Variants in SUPV3L1 observed in about 807,000 individuals in gnomAD.
SUPV3L1 encodes the protein Suv3 like RNA helicase, also known as ATP-dependent RNA helicase SUPV3L1, mitochondrial.
Under a neutral mutation model 70.0 loss-of-function variants are expected in SUPV3L1, and 35 were observed. The observed-to-expected ratio is 0.50, with a 90% confidence interval of 0.38 to 0.66. The LOEUF (loss-of-function observed/expected upper bound fraction) is 0.66. SUPV3L1 is among the 30% of genes least tolerant of loss of function. The pLI is 0.00. For missense variants in SUPV3L1, 777 were observed against 961.5 expected (o/e 0.81, Z 2.54); for synonymous variants, 364 against 341.9 (o/e 1.06, Z -0.71).
At chr10:69,198,028 A>G (rs1165064419) in intron 8 of SUPV3L1, among the ~76,000 whole-genome samples, 2 of 152,192 alleles carry the variant, frequency 1.3e-5, no homozygotes, top group African/African-American at 2.4e-5. Context: ...TGCCTCAGAC[A>G]TTAATTTTTT....
Position 69,180,500 on chromosome 10 carries a change from A to G in SUPV3L1, c.209A>G (p.Lys70Arg). 1.9e-6 allele frequency: 3 copies of G among 1,614,204 alleles called. No individual in the cohort carries two copies. The highest frequency in any genetic ancestry group is 2.5e-6 in the Non-Finnish European group (3 of 1,180,042). The change falls in exon 1 of 15, where the codon AAA (lysine) becomes AGA (arginine). Residue 70 changes from lysine to arginine, a missense_variant. Lys to Arg is a conservative substitution (Grantham distance 26). This residue lies in a region of SUPV3L1 where 158 missense variants were observed against 138.3 expected (regional missense o/e 1.14). Coordinates refer to ENST00000359655, the MANE Select transcript of SUPV3L1 (RefSeq NM_003171.5). ...NTSLFVPLTV[K>R]PQGPSADGDV... ...TCCTTGTTCGTGCCCCTGACTGTGA[A>G]ACCTCAGGGCCCCAGCGCCGACGGC...
chr10:69,195,190 G>T lies in SUPV3L1; in HGVS notation c.856G>T (p.Glu286Ter). The T allele has an allele frequency of 6.2e-7, 1 of 1,610,510 alleles. No homozygotes were observed. The change falls in exon 7 of 15, where the codon GAA becomes TAA. Residue 286 changes from glutamate (E) to a stop codon, truncating the protein, a stop_gained and splice_region_variant. Transcript: ENST00000359655. LOFTEE classifies it high-confidence loss of function. ...CATGTTAACTTTTTTATTTTAAGAT[G>T]AAGTGGCTGTAATTGATGAAATTCA... ...VEMCSVTTPY[E>*]VAVIDEIQMI...
chr10:69,198,330 G>A (rs763340700), intron 8 of SUPV3L1, 42 bp from the exon 9 acceptor site: 6 of 1,551,242 alleles, frequency 3.9e-6, no homozygotes, highest in South Asian at 2.5e-5. Flanking sequence ...ACAAGAAGTT[G>A]AGTTGGGTGT....
intron 5 of SUPV3L1, among the ~76,000 whole-genome samples, chr10:69,190,485 TAA>T (rs1842364225): frequency 6.6e-6 from 1 of 152,208 alleles, no homozygotes. Flanking sequence ...TCTTTATCTG[TAA>T]ATACTTGAGA....
chr10:69,186,615 G>T, intron 3 of SUPV3L1, 65 bp downstream of exon 3: 2 of 1,372,032 alleles, frequency 1.5e-6, no homozygotes, highest in East Asian at 2.3e-5. Flanking sequence ...CATACTTCAT[G>T]CTCATTTCTC....
chr10:69,196,270 T>G (rs1842539600), intron 7 of SUPV3L1, among the ~76,000 whole-genome samples: 1 of 152,052 alleles, frequency 6.6e-6, no homozygotes, highest in Admixed American at 6.5e-5. Flanking sequence ...GGCTGGCCGA[T>G]TGCTTGAGGC....
rs940634145 is a variant in SUPV3L1, at chr10:69,191,598, C to A, written c.742-57C>A. The A allele has an allele frequency of 1.1e-5, 16 of 1,476,574 alleles. No individual in the cohort carries two copies. In the African/African-American group the frequency reaches 2.2e-4, roughly 21 times the overall value. 91.5% of individuals were successfully genotyped at this position (1,476,574 alleles called of 1,614,324 possible). ...GTGGAGAGAACACCCTGTTAAATATCCAAAACGTATTTTTGCATTATTTTC... is the reference window on the plus strand; with the variant it reads ...GTGGAGAGAACACCCTGTTAAATATACAAAACGTATTTTTGCATTATTTTC... On this transcript the variant is annotated intron_variant, in intron 5 of 14. Transcript: ENST00000359655.
In SUPV3L1 at chr10:69,196,982, G is replaced by T. The variant is rs762893172; in HGVS notation, c.932-10G>T. 1.2e-6 allele frequency: 2 copies of T among 1,612,116 alleles called. No individual in the cohort carries two copies. Among genetic ancestry groups the T allele is most frequent in the Admixed American group, 1.7e-5 (1 of 59,948 alleles). The stretch of plus-strand genomic sequence containing the variant: ...CTTTAAAATTAAGAAACCCAGTTTT[G>T]CATTGACAGGACTGTGTGCTGAAGA... On this transcript the variant is annotated splice_polypyrimidine_tract_variant and intron_variant, in intron 7 of 14. Transcript: ENST00000359655.
At chr10:69,187,940 G>A (rs927379881) in intron 4 of SUPV3L1, among the ~76,000 whole-genome samples, 184 bp downstream of exon 4, 8 of 152,088 alleles carry the variant, frequency 5.3e-5, no homozygotes, top group South Asian at 2.1e-4. Context: ...ACCTTGATCC[G>A]GATTGAGTGT....
intron 13 of SUPV3L1, among the ~76,000 whole-genome samples, chr10:69,205,474 A>G (rs1339777808): frequency 4.6e-5 from 7 of 152,344 alleles, no homozygotes; most frequent in African/African-American, 1.7e-4. Context: ...TCCTGGGCTC[A>G]GGCGATCCTT....
In SUPV3L1 at chr10:69,186,211, G is replaced by A. The variant is rs868703277; in HGVS notation, c.349+147G>A. ...GCTTCTGGCTGAGTGGGAGACTGGC[G>A]AGGCTCACCTGGTGAGCCATACTGC... On this transcript the variant is annotated intron_variant, in intron 2 of 14. Transcript: ENST00000359655. 1.5e-5 allele frequency: 12 copies of A among 795,318 alleles called. No homozygotes were observed. In the Middle Eastern group the frequency reaches 2.2e-3, roughly 147 times the overall value. The allele number at this position is 795,318 out of a possible 1,614,324, so 49.3% of individuals were successfully genotyped here. A position where few individuals can be genotyped will look rare whatever the true frequency, so the allele number is the denominator to read the frequency against.
chr10:69,207,715 C>CT (rs1450519679), intron 13 of SUPV3L1, 78 bp from the exon 14 acceptor site: 22 of 1,482,530 alleles, frequency 1.5e-5, no homozygotes, highest in East Asian at 4.9e-5. Context: ...GTTTTGCTTT[C>CT]TTTTTTTTCT....
rs1287875208 is a variant in SUPV3L1, at chr10:69,208,014, TC to T, written c.1925+74del. The T allele has an allele frequency of 9.7e-6, 15 of 1,551,878 alleles. No homozygotes were observed. The Admixed American group carries it at 2.9e-4, about 30-fold the overall frequency. ...ATTAAAGGTTTTATGAATTTGTTTT[TC>T]TATTTCAAATTATGGACATATTTGC... On this transcript the variant is annotated intron_variant, in intron 14 of 14. Transcript: ENST00000359655.
intron 6 of SUPV3L1, among the ~76,000 whole-genome samples, chr10:69,193,873 T>C (rs760981989): frequency 1.1e-4 from 17 of 152,238 alleles, no homozygotes; most frequent in Non-Finnish European, 2.2e-4. Flanking sequence ...ATAAGGTATT[T>C]GGAAGCATTT....
rs542853293 is a variant in SUPV3L1, at chr10:69,191,967, C to T, written c.853+201C>T. 2,324 of 404,784 alleles carry T rather than the reference C, an allele frequency of 5.7e-3. 21 individuals carry two copies. The highest frequency in any genetic ancestry group is 8.2e-3 in the Non-Finnish European group (1,816 of 221,210). The allele number at this position is 404,784 out of a possible 1,614,324, so 25.1% of individuals were successfully genotyped here. A position where few individuals can be genotyped will look rare whatever the true frequency, so the allele number is the denominator to read the frequency against. ...GATTACAGGTGCCCGCCACCACACC[C>T]GGCTAATTTTTGTATTTTTACTAGA... On this transcript the variant is annotated intron_variant, in intron 6 of 14. Coordinates refer to ENST00000359655, the MANE Select transcript of SUPV3L1 (RefSeq NM_003171.5).
chr10:69,187,200 A>G (rs1842253598), intron 3 of SUPV3L1, among the ~76,000 whole-genome samples: 1 of 152,162 alleles, frequency 6.6e-6, no homozygotes, highest in African/African-American at 2.4e-5. Context: ...GCCTGTTTGT[A>G]CTAAAGGAGT....
At position 69,186,254 on chromosome 10, in the gene SUPV3L1, G is replaced by A. The variant is rs552083884; in HGVS notation, c.350-189G>A. On this transcript the variant is annotated intron_variant, in intron 2 of 14. Transcript: ENST00000359655. ...CATACTGCACGGCAGAGGAGCTGCA[G>A]CTGCGGCCTTCCTTCATGCTGTGCT... is the stretch of plus-strand genomic sequence containing the variant. Among the ~76,000 whole-genome samples, 4 of 149,588 alleles carry A rather than the reference G, an allele frequency of 2.7e-5. No individual in the cohort carries two copies. The South Asian group carries it at 6.3e-4, about 24-fold the overall frequency.
rs1564709283 is a variant in SUPV3L1, at chr10:69,199,097, G to GT, written c.1205-3dup. 1 of 1,606,774 alleles carries GT rather than the reference G, an allele frequency of 6.2e-7. No individual in the cohort carries two copies. On this transcript the variant is annotated splice_polypyrimidine_tract_variant and splice_region_variant and intron_variant, in intron 9 of 14. Coordinates refer to ENST00000359655, the MANE Select transcript of SUPV3L1 (RefSeq NM_003171.5). ...CACTGATTTAACATAAATTGTTCTT[G>GT]TTTTAGGGACCAAACTTGCTCAAGC...
At position 69,184,838 on chromosome 10, in the gene SUPV3L1, C is replaced by T. The variant is rs111785203; in HGVS notation, c.272-1149C>T. ...ATTTGTGAAAGGTAAAAATACAGGTCACTTGGCCTTTCTGAATTTCATGGG... is the reference window on the plus strand; with the variant it reads ...ATTTGTGAAAGGTAAAAATACAGGTTACTTGGCCTTTCTGAATTTCATGGG... On this transcript the variant is annotated intron_variant, in intron 1 of 14. Coordinates refer to ENST00000359655, the MANE Select transcript of SUPV3L1 (RefSeq NM_003171.5). Among the ~76,000 whole-genome samples the T allele has an allele frequency of 2.9e-4, 44 of 152,314 alleles. 3 individuals carry two copies. Among genetic ancestry groups the T allele is most frequent in the African/African-American group, 1.0e-3 (42 of 41,564 alleles).
Sources: allele counts gnomAD v4.1 joint callset (sites outside exome capture counted in the v4.1 genomes callset), GRCh38; gene constraint gnomAD v4.1.1; regional missense constraint gnomAD v4.1.1; transcripts MANE v1.5; gene names NCBI Gene and HGNC (gene_info 2026-07-23, HGNC 2026-07-21).